Variants in FBXO46 observed in about 807,000 individuals in gnomAD.
The protein encoded by FBXO46 is F-box only protein 46.
FBXO46 carries 13 observed loss-of-function variants against 30.7 expected under a neutral mutation model. The ratio of observed to expected loss-of-function variants is 0.42; its 90% CI spans 0.28 to 0.67. The LOEUF (loss-of-function observed/expected upper bound fraction) is 0.67. Ranked by LOEUF, FBXO46 falls within the 30% of genes least tolerant of loss-of-function variation. The pLI is 0.21. For missense variants in FBXO46, 754 were observed against 871.5 expected (o/e 0.87, Z 1.70); for synonymous variants, 467 against 385.8 (o/e 1.21, Z -2.47).
At chr19:45,723,843 A>G (rs979048679) in intron 1 of FBXO46, among the ~76,000 whole-genome samples, 1 of 151,952 alleles carries the variant, frequency 6.6e-6, no homozygotes, top group Non-Finnish European at 1.5e-5. Context: ...TATTTTTAGT[A>G]GAGACAGGGT....
At chr19:45,729,197 A>G (rs1035640883) in intron 1 of FBXO46, among the ~76,000 whole-genome samples, 4 of 152,090 alleles carry the variant, frequency 2.6e-5, no homozygotes, top group Non-Finnish European at 5.9e-5. Flanking sequence ...TGGGAGGCCG[A>G]GGCGGGTGGA....
chr19:45,711,704 C>A lies in FBXO46; in HGVS notation c.1792G>T (p.Gly598Cys), dbSNP rs764540877. ...CGGCTTCACCTCCCCTCCTCCCGGC[C>A]GGCCCGGCCCCCGCCTGGCCCATTG... ...PCNGPGGGRA[G>C]REEGR is the part of the protein sequence containing the mutation. Residue 598 changes from glycine (G) to cysteine (C), a missense_variant, in exon 2 of 2, where the codon GGC becomes TGC. Transcript: ENST00000317683. The A allele has an allele frequency of 1.3e-6, 2 of 1,529,038 alleles. No individual in the cohort carries two copies. Among genetic ancestry groups the A allele is most frequent in the Non-Finnish European group, 1.8e-6 (2 of 1,140,730 alleles). The allele number at this position is 1,529,038 out of a possible 1,614,324, so 94.7% of individuals were successfully genotyped here.
chr19:45,726,012 T>C (rs1600366722), intron 1 of FBXO46, among the ~76,000 whole-genome samples: 1 of 152,220 alleles, frequency 6.6e-6, no homozygotes, highest in Non-Finnish European at 1.5e-5. Flanking sequence ...GCTGGGACTA[T>C]AGGCTCATGC....
intron 1 of FBXO46, among the ~76,000 whole-genome samples, chr19:45,723,647 C>A (rs1275492868): frequency 6.6e-6 from 1 of 152,072 alleles, no homozygotes; most frequent in East Asian, 1.9e-4. Flanking sequence ...TCCTTGGCCG[C>A]CAAGCCCAAC....
intron 1 of FBXO46, chr19:45,717,503 G>A (rs566509861): frequency 1.3e-5 from 2 of 152,438 alleles, no homozygotes; most frequent in South Asian, 2.1e-4. Flanking sequence ...CTTCGAAATA[G>A]GGAGGAGTAG....
Position 45,712,682 on chromosome 19 carries a change from G to C in FBXO46, c.814C>G (p.Arg272Gly). 1.2e-6 allele frequency: 2 copies of C among 1,612,702 alleles called. No homozygotes were observed. The change falls in exon 2 of 2, where the codon CGT becomes GGT. Residue 272 changes from arginine (R) to glycine (G), a missense_variant. Around this residue, in one of 5 missense-constraint regions of FBXO46, gnomAD observed 454 missense variants for 426.5 expected, o/e 1.06. Coordinates refer to ENST00000317683, the MANE Select transcript of FBXO46 (RefSeq NM_001080469.2). The surrounding 1 kb of genome is among the most constrained non-coding windows in gnomAD (Gnocchi z 8.8). ...AFRISNGREP[R>G]APDSGLPSGG... is the part of the protein sequence containing the mutation. ...CTGGGCAGGCCGCTGTCTGGTGCAC[G>C]GGGCTCCCGGCCGTTGGAGATGCGG... is the stretch of plus-strand genomic sequence containing the variant.
Position 45,711,615 on chromosome 19 carries a change from G to A in FBXO46, c.*69C>T, listed in dbSNP as rs772834507. On this transcript the variant is annotated 3_prime_UTR_variant, in exon 2 of 2. Coordinates refer to ENST00000317683, the MANE Select transcript of FBXO46 (RefSeq NM_001080469.2). ...GGGGAATGGGCAGGCGGCCCAGTCC[G>A]GACCCTCGGCTCCCGGGGGGAGAGG... 12 of 1,267,738 alleles carry A rather than the reference G, an allele frequency of 9.5e-6. No individual in the cohort carries two copies. In the South Asian group the frequency reaches 1.2e-4, roughly 12 times the overall value. The allele number at this position is 1,267,738 out of a possible 1,614,324, so 78.5% of individuals were successfully genotyped here.
At chr19:45,714,057 C>G (rs1968050211) in intron 1 of FBXO46, among the ~76,000 whole-genome samples, 1 of 150,886 alleles carries the variant, frequency 6.6e-6, no homozygotes, top group Admixed American at 6.6e-5. Context: ...GAGAGATGCC[C>G]TTTTAACTTG....
In FBXO46 at chr19:45,713,964, G is replaced by A. The variant is rs530223550; in HGVS notation, c.-78-391C>T. On this transcript the variant is annotated intron_variant, in intron 1 of 1. Coordinates refer to ENST00000317683, the MANE Select transcript of FBXO46 (RefSeq NM_001080469.2). The surrounding 1 kb of genome is among the most constrained non-coding windows in gnomAD (Gnocchi z 4.7). ...GCCTGGGCGACAAGAGCGAAACTCC[G>A]TCTCAAAAAAAAAAAAAAAAAAAAA... 2.3e-4 allele frequency among the ~76,000 whole-genome samples: 22 copies of A among 95,788 alleles called. No individual in the cohort carries two copies. The highest frequency in any genetic ancestry group is 7.1e-4 in the African/African-American group (15 of 21,076). The allele number at this position is 95,788 out of a possible 152,430, so 62.8% of individuals were successfully genotyped here.
intron 1 of FBXO46, among the ~76,000 whole-genome samples, chr19:45,718,597 A>C (rs1051200884): frequency 1.3e-5 from 2 of 151,932 alleles, no homozygotes; most frequent in African/African-American, 4.8e-5. Context: ...TCCTTACTTC[A>C]TTCAGGTCTG....
chr19:45,710,727 C>CA lies in FBXO46; in HGVS notation c.*956dup, dbSNP rs1188562675. On this transcript the variant is annotated 3_prime_UTR_variant, in exon 2 of 2. Transcript: ENST00000317683. ...CACGATGGAAAGAAAAAAAAGAAAA[C>CA]AAAAAACAGAGAGAACAAACAAAAA... 1 of 152,222 alleles carries CA rather than the reference C, an allele frequency of 6.6e-6. No individual in the cohort carries two copies. Among genetic ancestry groups the CA allele is most frequent in the African/African-American group, 2.4e-5 (1 of 41,410 alleles). The allele number at this position is 152,222 out of a possible 1,614,324, so 9.4% of individuals were successfully genotyped here.
At chr19:45,726,910 G>A (rs1010837070) in intron 1 of FBXO46, among the ~76,000 whole-genome samples, 20 of 152,100 alleles carry the variant, frequency 1.3e-4, no homozygotes, top group African/African-American at 4.6e-4. Flanking sequence ...CAGTTACCAC[G>A]TCAACTCCTT....
upstream of FBXO46, among the ~76,000 whole-genome samples, chr19:45,732,838 C>G (rs1331025185): frequency 1.3e-5 from 2 of 151,824 alleles, no homozygotes; most frequent in African/African-American, 4.8e-5. Flanking sequence ...GTGATCCGCC[C>G]GCCTCGTCCT....
At chr19:45,731,312 CCCTT>C (rs913981144), upstream of FBXO46, among the ~76,000 whole-genome samples, 5 of 141,204 alleles carry the variant, frequency 3.5e-5, no homozygotes, top group African/African-American at 1.0e-4. Flanking sequence ...CCCATCCATC[CCCTT>C]CTTTTTTTTT....
At chr19:45,714,294 C>G (rs184729660) in intron 1 of FBXO46, 43 of 152,174 alleles carry the variant, frequency 2.8e-4, no homozygotes, top group African/African-American at 8.7e-4. Flanking sequence ...CTTAAACCCA[C>G]AGAGAGAGGA....
chr19:45,726,995 T>G (rs1408532598), intron 1 of FBXO46, among the ~76,000 whole-genome samples: 1 of 152,118 alleles, frequency 6.6e-6, no homozygotes, highest in African/African-American at 2.4e-5. Flanking sequence ...CTGGGGCTCA[T>G]GCCTGTAACC....
rs397954439 is a variant in FBXO46, at chr19:45,718,942, T to TAAAAAAAAA, written c.-78-5378_-78-5370dup. Among the ~76,000 whole-genome samples, 553 of 119,336 alleles carry TAAAAAAAAA rather than the reference T, an allele frequency of 4.6e-3. 5 individuals carry two copies. Among genetic ancestry groups the TAAAAAAAAA allele is most frequent in the African/African-American group, 0.017 (529 of 31,712 alleles). 78.3% of individuals were successfully genotyped at this position (119,336 alleles called of 152,430 possible). A position where few individuals can be genotyped will look rare whatever the true frequency, so the allele number is the denominator to read the frequency against. ...CAAGTAGAGGAGTAACATTACCCCT[T>TAAAAAAAAA]AAAAAAAAAAAAAAAAAAACTTGGC... On this transcript the variant is annotated intron_variant, in intron 1 of 1. Transcript: ENST00000317683.
At chr19:45,727,556 C>CAA (rs146129707) in intron 1 of FBXO46, among the ~76,000 whole-genome samples, 7 of 102,272 alleles carry the variant, frequency 6.8e-5, no homozygotes, top group Non-Finnish European at 1.4e-4. Context: ...GACTCTGTCT[C>CAA]AAAAAAAAAA....
chr19:45,713,058 G>A lies in FBXO46; in HGVS notation c.438C>T (p.Asp146=). ...RCLDPTKAPP[D]PGGREGPPAA... ...CAGGGGGGCCCTCCCGGCCCCCTGG[G>A]TCAGGAGGAGCCTTGGTGGGGTCAA... The change falls in exon 2 of 2, where the codon GAC becomes GAT. Residue 146 remains aspartate, a synonymous_variant. Coordinates refer to ENST00000317683, the MANE Select transcript of FBXO46 (RefSeq NM_001080469.2). This position sits in a 1 kb window ranked among gnomAD's most constrained non-coding sequence, Gnocchi z 4.7. 2 of 1,574,498 alleles carry A rather than the reference G, an allele frequency of 1.3e-6. No homozygotes were observed. The highest frequency in any genetic ancestry group is 2.2e-5 in the East Asian group (1 of 44,472).
Sources: allele counts gnomAD v4.1 joint callset (sites outside exome capture counted in the v4.1 genomes callset), GRCh38; gene constraint gnomAD v4.1.1; regional missense constraint gnomAD v4.1.1; non-coding constraint Gnocchi (gnomAD v3.1); transcripts MANE v1.5; gene names NCBI Gene and HGNC (gene_info 2026-07-23, HGNC 2026-07-21).